Variants in EDNRB observed in about 807,000 individuals in gnomAD.
EDNRB encodes the protein Hirschsprung disease 2.
EDNRB carries 18 observed loss-of-function variants against 46.4 expected under a neutral mutation model. That is an observed-to-expected ratio of 0.39 (90% CI 0.27 to 0.57). EDNRB has a LOEUF of 0.57. EDNRB is among the 20% of genes least tolerant of loss of function. The pLI, the probability that EDNRB is intolerant of heterozygous loss-of-function variation, is 0.61. For missense variants in EDNRB, 434 were observed against 537.5 expected (o/e 0.81, Z 1.90); for synonymous variants, 213 against 204.9 (o/e 1.04, Z -0.34).
chr13:77,932,089 G>A (rs1280453871), intron 1 of EDNRB, among the ~76,000 whole-genome samples: 1 of 151,810 alleles, frequency 6.6e-6, no homozygotes, highest in Non-Finnish European at 1.5e-5. Context: ...GTTGAGACTA[G>A]GTTAGGAATA....
chr13:77,960,815 A>T (rs537071600), intron 1 of EDNRB, among the ~76,000 whole-genome samples: 1 of 151,574 alleles, frequency 6.6e-6, no homozygotes, highest in South Asian at 2.1e-4. Flanking sequence ...AGAGACACAC[A>T]TAGGCTCAAA....
chr13:77,923,309 TC>T (rs1363844642), upstream of EDNRB, among the ~76,000 whole-genome samples: 1 of 152,228 alleles, frequency 6.6e-6, no homozygotes, highest in Non-Finnish European at 1.5e-5. Context: ...ATATTTTTTT[TC>T]ACCAATCTCA....
chr13:77,938,299 G>A (rs1880628323), intron 1 of EDNRB, among the ~76,000 whole-genome samples: 1 of 151,728 alleles, frequency 6.6e-6, no homozygotes, highest in Admixed American at 6.6e-5. Context: ...GGGGCGCAGA[G>A]ATTAGAGGTC....
intron 1 of EDNRB, among the ~76,000 whole-genome samples, chr13:77,955,804 G>A (rs967076804): frequency 6.6e-6 from 1 of 151,538 alleles, no homozygotes; most frequent in African/African-American, 2.4e-5. Flanking sequence ...TTACTTTTGG[G>A]CTCTCTATTC....
intron 1 of EDNRB, among the ~76,000 whole-genome samples, chr13:77,961,543 C>T (rs894851569): frequency 2.6e-5 from 4 of 152,058 alleles, no homozygotes; most frequent in South Asian, 4.1e-4. Context: ...GGGTACATAA[C>T]GAAATGAAGG....
chr13:77,929,741 C>A (rs1880336494), intron 1 of EDNRB, among the ~76,000 whole-genome samples: 1 of 152,166 alleles, frequency 6.6e-6, no homozygotes, highest in Non-Finnish European at 1.5e-5. Context: ...AGAGCATGGA[C>A]TTCAGGAACG....
At chr13:77,934,445 G>A (rs923356228) in intron 1 of EDNRB, among the ~76,000 whole-genome samples, 8 of 152,046 alleles carry the variant, frequency 5.3e-5, no homozygotes, top group East Asian at 1.9e-4. Flanking sequence ...AATAAAAGCC[G>A]GTCTGCTATT....
intron 1 of EDNRB, among the ~76,000 whole-genome samples, chr13:77,972,689 A>G (rs1881771790): frequency 6.6e-6 from 1 of 152,344 alleles, no homozygotes; most frequent in African/African-American, 2.4e-5. Context: ...GGGTATAACA[A>G]GGCAAGCATT....
intron 1 of EDNRB, among the ~76,000 whole-genome samples, chr13:77,942,507 CCAAA>C (rs980228053): frequency 1.3e-5 from 2 of 152,120 alleles, no homozygotes; most frequent in South Asian, 2.1e-4. Context: ...CTCAGATATG[CCAAA>C]CAGACTTTTC....
At chr13:77,961,456 A>G (rs1881409309) in intron 1 of EDNRB, among the ~76,000 whole-genome samples, 1 of 152,228 alleles carries the variant, frequency 6.6e-6, no homozygotes, top group Non-Finnish European at 1.5e-5. Flanking sequence ...CAATCAAACT[A>G]GAACTCAGGA....
At chr13:77,968,961 G>C (rs1174931154) in intron 1 of EDNRB, among the ~76,000 whole-genome samples, 1 of 152,134 alleles carries the variant, frequency 6.6e-6, no homozygotes, top group Non-Finnish European at 1.5e-5. Context: ...CACAATTTAG[G>C]AGATACTTAG....
intron 1 of EDNRB, among the ~76,000 whole-genome samples, chr13:77,936,244 G>A (rs1193437043): frequency 5.9e-5 from 9 of 152,106 alleles, no homozygotes; most frequent in Non-Finnish European, 4.4e-5. Flanking sequence ...AATGAGGTGT[G>A]GCTGTAGCCC....
At chr13:77,900,074 G>T in intron 5 of EDNRB, 107 bp from the exon 6 acceptor site, 4 of 879,904 alleles carry the variant, frequency 4.5e-6, no homozygotes, top group Non-Finnish European at 7.3e-6. Flanking sequence ...ATATACAATG[G>T]TTCTAAATTT....
Position 77,898,682 on chromosome 13 carries a change from A to G in EDNRB, c.1195-348T>C, listed in dbSNP as rs7325560. Among the ~76,000 whole-genome samples, 673 of 152,128 alleles carry G rather than the reference A, an allele frequency of 4.4e-3. 5 individuals are homozygous for G. The highest frequency in any genetic ancestry group is 0.015 in the African/African-American group (642 of 41,544). The stretch of plus-strand genomic sequence containing the variant: ...GAAATATTTGCACATACATGAAATA[A>G]ATAAATTATACACATGTATATGTGC... On this transcript the variant is annotated intron_variant, in intron 6 of 6. Coordinates refer to ENST00000646607, the MANE Select transcript of EDNRB (RefSeq NM_001122659.3).
chr13:77,900,773 G>GT, intron 4 of EDNRB, 119 bp from the exon 5 acceptor site: 1 of 1,425,502 alleles, frequency 7.0e-7, no homozygotes, highest in Non-Finnish European at 9.7e-7. Context: ...TAAAAACTCA[G>GT]GACACTGAGC....
chr13:77,932,760 AT>A (rs1257251171), intron 1 of EDNRB, among the ~76,000 whole-genome samples: 1 of 152,254 alleles, frequency 6.6e-6, no homozygotes, highest in Non-Finnish European at 1.5e-5. Flanking sequence ...AATCTGTTCA[AT>A]AATTGGTGTT....
At chr13:77,923,006 A>G (rs971787446), upstream of EDNRB, among the ~76,000 whole-genome samples, 2 of 152,228 alleles carry the variant, frequency 1.3e-5, no homozygotes, top group Admixed American at 6.5e-5. Flanking sequence ...AGGTGTGATT[A>G]AATGAGAGAA....
At chr13:77,942,223 C>A (rs532456320) in intron 1 of EDNRB, among the ~76,000 whole-genome samples, 1 of 152,254 alleles carries the variant, frequency 6.6e-6, no homozygotes, top group East Asian at 1.9e-4. Flanking sequence ...TGCTTCCTTA[C>A]TGTTTGGTAT....
intron 1 of EDNRB, among the ~76,000 whole-genome samples, chr13:77,941,904 AC>A (rs1880759264): frequency 6.6e-6 from 1 of 152,250 alleles, no homozygotes; most frequent in East Asian, 1.9e-4. Context: ...CTATTCATAA[AC>A]ATCAGTGCAG....
Sources: allele counts gnomAD v4.1 joint callset (sites outside exome capture counted in the v4.1 genomes callset), GRCh38; gene constraint gnomAD v4.1.1; transcripts MANE v1.5; gene names NCBI Gene and HGNC (gene_info 2026-07-23, HGNC 2026-07-21).